MTA1: variants seen among roughly 807,000 people sequenced by gnomAD.
MTA1 encodes the protein metastasis-associated protein MTA1.
Under a neutral mutation model 97.0 loss-of-function variants are expected in MTA1, and 15 were observed. The observed-to-expected ratio is 0.15, with a 90% CI of 0.10 to 0.24. The LOEUF (loss-of-function observed/expected upper bound fraction) is 0.24. MTA1 is among the 10% of genes least tolerant of loss of function. MTA1 has a pLI of 1.00. For synonymous variants in MTA1, 435 were observed against 417.5 expected, an observed-to-expected ratio of 1.04 and a Z score of -0.51; for missense variants, 709 against 1,015.1, an observed-to-expected ratio of 0.70 and a Z score of 4.10.
At chr14:105,432,766 T>C (rs886469792) in intron 1 of MTA1, among the ~76,000 whole-genome samples, 1 of 152,222 alleles carries the variant, frequency 6.6e-6, no homozygotes, top group Non-Finnish European at 1.5e-5. Flanking sequence ...AATCACAAAC[T>C]GCTTTGTACA....
In MTA1 at chr14:105,450,094, T is replaced by G. The variant is rs2082865421; in HGVS notation, c.278T>G (p.Val93Gly). The G allele has an allele frequency of 5.6e-6, 9 of 1,613,426 alleles. No homozygotes were observed. Among genetic ancestry groups the G allele is most frequent in the Non-Finnish European group, 6.8e-6 (8 of 1,179,876 alleles). Reference protein sequence around the residue: ...IEEEMENPEMVDLPEKLKHQL... With the variant: ...IEEEMENPEMGDLPEKLKHQL... ...GAGGAAATGGAGAACCCGGAAATGGTGGACCTGCCCGAGAAACTAAAGCAC... is the reference window on the plus strand; with the variant it reads ...GAGGAAATGGAGAACCCGGAAATGGGGGACCTGCCCGAGAAACTAAAGCAC... The change falls in exon 5 of 21, where the codon GTG becomes GGG. Residue 93 changes from valine (V) to glycine (G), a missense_variant. By Grantham distance (109) the Val-to-Gly change is moderately radical. This residue lies in a region of MTA1 where 321 missense variants were observed against 593.5 expected (regional missense o/e 0.54). Transcript: ENST00000331320.
chr14:105,462,556 C>G (rs1235560429), intron 10 of MTA1, among the ~76,000 whole-genome samples: 1 of 150,200 alleles, frequency 6.7e-6, no homozygotes, highest in Non-Finnish European at 1.5e-5. Context: ...GGCGACAGTG[C>G]GAGACTCTGT....
intron 3 of MTA1, 127 bp downstream of exon 3, chr14:105,445,638 T>G (rs2082692953): frequency 2.1e-6 from 2 of 949,802 alleles, no homozygotes; most frequent in Non-Finnish European, 3.3e-6. Flanking sequence ...CCCAACTCAC[T>G]CTGGCGTCTC....
At chr14:105,434,986 T>C (rs2082287369) in intron 1 of MTA1, among the ~76,000 whole-genome samples, 1 of 152,220 alleles carries the variant, frequency 6.6e-6, no homozygotes, top group Non-Finnish European at 1.5e-5. Context: ...CCCATTGTAC[T>C]GGCTGGGACT....
chr14:105,454,960 C>T (rs587621225), intron 7 of MTA1, among the ~76,000 whole-genome samples: 1 of 151,830 alleles, frequency 6.6e-6, no homozygotes, highest in African/African-American at 2.4e-5. Flanking sequence ...GGCTGGAATG[C>T]AGTGGTGCAA....
intron 1 of MTA1, among the ~76,000 whole-genome samples, chr14:105,421,870 G>T (rs2081848570): frequency 6.6e-6 from 1 of 152,200 alleles, no homozygotes; most frequent in Non-Finnish European, 1.5e-5. Flanking sequence ...CCCTGTGCCC[G>T]CAGGCCCGTC....
In MTA1 at chr14:105,469,824, G is replaced by C; in HGVS notation, c.1846-17G>C. On this transcript the variant is annotated splice_polypyrimidine_tract_variant and intron_variant, in intron 19 of 20. Coordinates refer to ENST00000331320, the MANE Select transcript of MTA1 (RefSeq NM_004689.4). Reference sequence around the variant, plus strand: ...TGGCCCTTGGCTGGCTGCCCAGGAAGTGCACCCCCTCTGCAGGGACCAAGC... The same window carrying C: ...TGGCCCTTGGCTGGCTGCCCAGGAACTGCACCCCCTCTGCAGGGACCAAGC... 1 of 1,595,546 alleles carries C rather than the reference G, an allele frequency of 6.3e-7. No individual in the cohort carries two copies. Among genetic ancestry groups the C allele is most frequent in the Non-Finnish European group, 8.5e-7 (1 of 1,171,954 alleles).
intron 6 of MTA1, among the ~76,000 whole-genome samples, chr14:105,450,830 C>T (rs181889445): frequency 1.9e-3 from 288 of 152,342 alleles, no homozygotes; most frequent in Non-Finnish European, 3.2e-3. Flanking sequence ...AAATGTGTCC[C>T]GACAATGCCA....
intron 2 of MTA1, among the ~76,000 whole-genome samples, chr14:105,442,384 G>A (rs781831572): frequency 5.9e-5 from 9 of 152,216 alleles, no homozygotes; most frequent in Admixed American, 1.3e-4. Context: ...AGGAAGATGC[G>A]GCCCCTGGTG....
At chr14:105,466,349 AGGG>A in intron 16 of MTA1, 74 bp from the exon 17 acceptor site, 1 of 1,334,542 alleles carries the variant, frequency 7.5e-7, no homozygotes, top group South Asian at 1.3e-5. Context: ...CGGAACCATG[AGGG>A]CTGGAGCCTG....
intron 2 of MTA1, among the ~76,000 whole-genome samples, chr14:105,440,191 C>G (rs1235643373): frequency 1.3e-5 from 2 of 152,228 alleles, no homozygotes; most frequent in East Asian, 3.9e-4. Context: ...AGCAAGGCCA[C>G]TTGGGTACTG....
chr14:105,469,902 G>T lies in MTA1; in HGVS notation c.1907G>T (p.Arg636Leu). The T allele has an allele frequency of 1.2e-6, 2 of 1,611,034 alleles. No individual in the cohort carries two copies. Among genetic ancestry groups the T allele is most frequent in the African/African-American group, 1.3e-5 (1 of 74,976 alleles). The stretch of plus-strand genomic sequence containing the variant: ...TACCCCACCAAAGTGCGCCTGATCC[G>T]GGGGGGCTCCCTGCCCCCAGTCAAG... ...KSYPTKVRLI[R>L]GGSLPPVKRR... The change falls in exon 20 of 21, where the codon CGG (arginine) becomes CTG (leucine). Residue 636 changes from arginine to leucine, a missense_variant. By Grantham distance (102) the Arg-to-Leu change is moderately radical. Coordinates refer to ENST00000331320, the MANE Select transcript of MTA1 (RefSeq NM_004689.4).
At position 105,440,451 on chromosome 14, in the gene MTA1, G is replaced by A. The variant is rs999253710; in HGVS notation, c.96+1712G>A. 3.9e-5 allele frequency among the ~76,000 whole-genome samples: 6 copies of A among 152,230 alleles called. No homozygotes were observed. In the East Asian group the frequency reaches 1.2e-3, roughly 29 times the overall value. On this transcript the variant is annotated intron_variant, in intron 2 of 20. Transcript: ENST00000331320. ...GCGGGAGGCTGCAGTGCCTCCGTGG[G>A]CGCCTGGCCGAGTGCCACTGCTGGG...
chr14:105,454,517 G>T, intron 7 of MTA1: 1 of 506,236 alleles, frequency 2.0e-6, no homozygotes, highest in African/African-American at 1.9e-5. Context: ...TGGTGGTGTT[G>T]GGGTTCTGGG....
chr14:105,441,012 G>A (rs1361764643), intron 2 of MTA1, among the ~76,000 whole-genome samples: 1 of 152,240 alleles, frequency 6.6e-6, no homozygotes, highest in African/African-American at 2.4e-5. Context: ...AGGCAGCCAG[G>A]CAGACTGGGC....
intron 1 of MTA1, among the ~76,000 whole-genome samples, chr14:105,437,988 A>G (rs973739847): frequency 2.0e-5 from 3 of 152,154 alleles, no homozygotes; most frequent in Non-Finnish European, 2.9e-5. Context: ...CGCTGAGGGA[A>G]GCGCTGTACT....
chr14:105,440,419 AC>A (rs2082471649), intron 2 of MTA1, among the ~76,000 whole-genome samples: 1 of 152,180 alleles, frequency 6.6e-6, no homozygotes, highest in South Asian at 2.1e-4. Context: ...CTGGCAGGCA[AC>A]CCGGGGCGGG....
chr14:105,452,941 G>T (rs191600063), intron 6 of MTA1, among the ~76,000 whole-genome samples: 3 of 152,344 alleles, frequency 2.0e-5, no homozygotes, highest in East Asian at 3.9e-4. Context: ...ACCTGGAAAC[G>T]GGAGGGTGAT....
rs1164512326 is a variant in MTA1, at chr14:105,420,009, G to C, written c.-27G>C. The C allele has an allele frequency of 9.6e-7, 1 of 1,044,790 alleles. No homozygotes were observed. The highest frequency in any genetic ancestry group is 9.3e-5 in the East Asian group (1 of 10,780). The allele number at this position is 1,044,790 out of a possible 1,614,324, so 64.7% of individuals were successfully genotyped here. A position where few individuals can be genotyped will look rare whatever the true frequency, so the allele number is the denominator to read the frequency against. The stretch of plus-strand genomic sequence containing the variant: ...CGCGCCGAGCGCCGCGCCCGCCCCG[G>C]GCCCCTCCGCCGCCGCCGGCCCGGA... On this transcript the variant is annotated 5_prime_UTR_variant, in exon 1 of 21. Transcript: ENST00000331320. The surrounding 1 kb of genome is among the most constrained non-coding windows in gnomAD (Gnocchi z 5.3).
Sources: gnomAD v4.1 joint callset for allele counts (sites outside exome capture counted in the v4.1 genomes callset) on GRCh38, gnomAD v4.1.1 for gene constraint, gnomAD v4.1.1 regional missense constraint, Gnocchi (gnomAD v3.1) non-coding constraint, MANE v1.5 for transcripts, NCBI Gene and HGNC (gene_info 2026-07-23, HGNC 2026-07-21) for gene names.